The following WWOX variants were observed in gnomAD, a reference collection of about 807,000 sequenced individuals.
The protein encoded by WWOX is WW domain-containing oxidoreductase.
WWOX carries 69 observed loss-of-function variants against 46.2 expected under a neutral mutation model. That is an observed-to-expected ratio of 1.49 (90% CI 1.23 to 1.82). The LOEUF is 1.82. WWOX is among the 40% of genes most tolerant of loss of function. The pLI is 0.00. For synonymous variants in WWOX, 359 were observed against 202.6 expected (o/e 1.77, Z -6.56); for missense variants, 919 against 542.6 (o/e 1.69, Z -6.89).
At chr16:78,742,630 C>A (rs1164269709) in intron 8 of WWOX, among the ~76,000 whole-genome samples, 3 of 152,210 alleles carry the variant, frequency 2.0e-5, no homozygotes, top group Non-Finnish European at 4.4e-5. Flanking sequence ...TTTGCCCTGG[C>A]TGCGCTGGTG....
At chr16:79,047,654 T>C (rs1042128232) in intron 8 of WWOX, among the ~76,000 whole-genome samples, 1 of 150,464 alleles carries the variant, frequency 6.6e-6, no homozygotes, top group African/African-American at 2.4e-5. Context: ...TGGGTGACTT[T>C]CTCCTGAGAC....
chr16:78,858,766 A>G (rs2052631427), intron 8 of WWOX, among the ~76,000 whole-genome samples: 1 of 151,434 alleles, frequency 6.6e-6, no homozygotes, highest in Non-Finnish European at 1.5e-5. Flanking sequence ...GCAGCCTCAA[A>G]CTTCTAGGCT....
intron 8 of WWOX, among the ~76,000 whole-genome samples, chr16:78,834,055 G>T (rs192525530): frequency 3.3e-5 from 5 of 152,344 alleles, no homozygotes; most frequent in Admixed American, 1.3e-4. Flanking sequence ...AGTCAAATCA[G>T]AACACTGCTC....
intron 8 of WWOX, among the ~76,000 whole-genome samples, chr16:78,509,000 G>A (rs1295548972): frequency 2.6e-5 from 4 of 152,250 alleles, no homozygotes; most frequent in African/African-American, 9.6e-5. Context: ...TCCCGTTAAA[G>A]GCGTGCATGT....
intron 8 of WWOX, among the ~76,000 whole-genome samples, chr16:78,499,815 C>G (rs2085016114): frequency 6.6e-6 from 1 of 152,182 alleles, no homozygotes; most frequent in South Asian, 2.1e-4. Flanking sequence ...CACTGGAAGT[C>G]CCATTGTCTC....
At chr16:78,828,986 C>A (rs577404757) in intron 8 of WWOX, among the ~76,000 whole-genome samples, 1 of 152,290 alleles carries the variant, frequency 6.6e-6, no homozygotes, top group South Asian at 2.1e-4. Flanking sequence ...AATGGCAAAG[C>A]TAGGATTTAA....
intron 8 of WWOX, among the ~76,000 whole-genome samples, chr16:78,782,916 A>C (rs1358659413): frequency 6.6e-6 from 1 of 152,196 alleles, no homozygotes; most frequent in African/African-American, 2.4e-5. Context: ...TATCTATTAC[A>C]AAGGCTCTTT....
intron 8 of WWOX, among the ~76,000 whole-genome samples, chr16:78,490,537 G>T (rs1805470239): frequency 6.6e-6 from 1 of 152,178 alleles, no homozygotes; most frequent in Admixed American, 6.5e-5. Context: ...TGCTGGGCTA[G>T]TTTCAGACTT....
At chr16:78,657,119 C>G (rs530944912) in intron 8 of WWOX, among the ~76,000 whole-genome samples, 1 of 152,314 alleles carries the variant, frequency 6.6e-6, no homozygotes, top group East Asian at 1.9e-4. Flanking sequence ...CAGGCTGCCA[C>G]TTTGGCCCCT....
intron 6 of WWOX, among the ~76,000 whole-genome samples, chr16:78,393,739 C>T (rs997966247): frequency 6.6e-6 from 1 of 151,960 alleles, no homozygotes; most frequent in South Asian, 2.1e-4. Context: ...CATTTTTGAT[C>T]ATGGATTTTT....
chr16:79,049,828 C>G lies in WWOX; in HGVS notation c.1057-161780C>G, dbSNP rs549548235. On this transcript the variant is annotated intron_variant, in intron 8 of 8. Transcript: ENST00000566780. The stretch of plus-strand genomic sequence containing the variant: ...CCAGCCTGGCCGACAGAGTGAGACT[C>G]TGTCTCAAAAAAAAAAAAAAAAAAA... Among the ~76,000 whole-genome samples, 17 of 133,820 alleles carry G rather than the reference C, an allele frequency of 1.3e-4. No individual in the cohort carries two copies. The South Asian group carries it at 3.5e-3, about 28-fold the overall frequency. 87.8% of individuals were successfully genotyped at this position (133,820 alleles called of 152,430 possible).
At chr16:78,726,690 G>A (rs775531028) in intron 8 of WWOX, among the ~76,000 whole-genome samples, 1 of 150,388 alleles carries the variant, frequency 6.6e-6, no homozygotes, top group Non-Finnish European at 1.5e-5. Context: ...AAGCCCTAGG[G>A]TTAGTTGGTT....
chr16:78,809,333 A>G lies in WWOX; in HGVS notation c.1056+376581A>G, dbSNP rs1274235300. On this transcript the variant is annotated intron_variant, in intron 8 of 8. Coordinates refer to ENST00000566780, the MANE Select transcript of WWOX (RefSeq NM_016373.4). ...TCTTGAAAAAAAAAAAAAAAAAGAAAAAACCACCGTGGTATTCTAGGAAGA... is the reference window on the plus strand; with the variant it reads ...TCTTGAAAAAAAAAAAAAAAAAGAAGAAACCACCGTGGTATTCTAGGAAGA... Among the ~76,000 whole-genome samples, 5 of 151,828 alleles carry G rather than the reference A, an allele frequency of 3.3e-5. 1 individual carries two copies. Among genetic ancestry groups the G allele is most frequent in the East Asian group, 1.9e-4 (1 of 5,182 alleles).
At chr16:78,220,390 A>G (rs1238409478) in intron 5 of WWOX, among the ~76,000 whole-genome samples, 1 of 109,336 alleles carries the variant, frequency 9.1e-6, no homozygotes, top group Non-Finnish European at 1.8e-5. Context: ...TCATTACTGA[A>G]GTGAATAACA....
chr16:78,370,295 A>C (rs1452750633), intron 5 of WWOX, among the ~76,000 whole-genome samples: 1 of 152,168 alleles, frequency 6.6e-6, no homozygotes. Context: ...ATTACCACTT[A>C]CCTCAGAGAG....
At chr16:78,607,420 A>G (rs1370409964) in intron 8 of WWOX, among the ~76,000 whole-genome samples, 1 of 152,192 alleles carries the variant, frequency 6.6e-6, no homozygotes, top group Non-Finnish European at 1.5e-5. Context: ...ATCTTTGCAT[A>G]TATTTGTCCA....
intron 5 of WWOX, among the ~76,000 whole-genome samples, chr16:78,323,291 G>C (rs1264659926): frequency 1.3e-5 from 2 of 152,024 alleles, no homozygotes; most frequent in African/African-American, 4.8e-5. Flanking sequence ...ATTTTTAGTA[G>C]AAACGGGGTT....
intron 8 of WWOX, among the ~76,000 whole-genome samples, chr16:78,500,838 CGCCTGTGCTGG>C (rs1247017125): frequency 2.6e-5 from 4 of 152,132 alleles, no homozygotes; most frequent in African/African-American, 7.2e-5. Context: ...TGTACAACAG[CGCCTGTGCTGG>C]GCCTGCTAGG....
In WWOX at chr16:79,185,299, A is replaced by G. The variant is rs1177551988; in HGVS notation, c.1057-26309A>G. On this transcript the variant is annotated intron_variant, in intron 8 of 8. Coordinates refer to ENST00000566780, the MANE Select transcript of WWOX (RefSeq NM_016373.4). ...TTCAATAAGAGCAGAGGCAGTCTCA[A>G]TAAAAAACAAAATTTCAACCCATCC... Among the ~76,000 whole-genome samples, 4 of 152,220 alleles carry G rather than the reference A, an allele frequency of 2.6e-5. No individual in the cohort carries two copies. The East Asian group carries it at 7.7e-4, about 29-fold the overall frequency.
Sources: gnomAD v4.1 joint callset for allele counts (sites outside exome capture counted in the v4.1 genomes callset) on GRCh38, gnomAD v4.1.1 for gene constraint, MANE v1.5 for transcripts, NCBI Gene and HGNC (gene_info 2026-07-23, HGNC 2026-07-21) for gene names.